The following TRIM25 variants were observed in gnomAD, a reference collection of about 807,000 sequenced individuals.
TRIM25 encodes the protein tripartite motif containing 25.
Under a neutral mutation model 65.2 loss-of-function variants are expected in TRIM25, and 45 were observed. That is an observed-to-expected ratio of 0.69 (90% CI 0.54 to 0.89). The LOEUF is 0.89. TRIM25 is among the 40% of genes least tolerant of loss of function. The pLI is 0.00. For missense variants in TRIM25, 714 were observed against 803.7 expected (o/e 0.89, Z 1.35); for synonymous variants, 321 against 340.4 (o/e 0.94, Z 0.63).
chr17:56,891,770 G>A lies in TRIM25; in HGVS notation c.1823C>T (p.Thr608Ile), dbSNP rs1473093677. 1 of 1,614,232 alleles carries A rather than the reference G, an allele frequency of 6.2e-7. No homozygotes were observed. Among genetic ancestry groups the A allele is most frequent in the Admixed American group, 1.7e-5 (1 of 60,024 alleles). Residue 608 changes from threonine to isoleucine, a missense_variant, in exon 9 of 9, where the codon ACT (threonine) becomes ATT (isoleucine). This residue lies in a region of TRIM25 where 413 missense variants were observed against 498.2 expected (regional missense o/e 0.83). Transcript: ENST00000316881. The part of the protein sequence containing the change: ...HLMYKFRVDF[T>I]EALYPAFWVF... The stretch of plus-strand genomic sequence containing the variant: ...CCAGAAAGCCGGGTACAAAGCCTCA[G>A]TAAAGTCCACCCTGAACTTATACAT...
intron 4 of TRIM25, 131 bp downstream of exon 4, chr17:56,901,288 T>C: frequency 2.0e-6 from 2 of 1,024,018 alleles, no homozygotes; most frequent in Non-Finnish European, 2.8e-6. Flanking sequence ...AGAGGGCGGA[T>C]GTTTCAGGAG....
chr17:56,906,749 C>A (rs558779099), intron 2 of TRIM25, among the ~76,000 whole-genome samples: 42 of 152,342 alleles, frequency 2.8e-4, no homozygotes, highest in African/African-American at 9.1e-4. Context: ...TGCGTCTCGG[C>A]CTCCCAAAGT....
intron 3 of TRIM25, among the ~76,000 whole-genome samples, chr17:56,903,636 A>G (rs1290294035): frequency 6.6e-6 from 1 of 152,054 alleles, no homozygotes; most frequent in African/African-American, 2.4e-5. Flanking sequence ...ATGAAATAGG[A>G]TATCACTCCT....
chr17:56,896,825 T>C (rs1280519918), intron 5 of TRIM25, among the ~76,000 whole-genome samples: 1 of 151,982 alleles, frequency 6.6e-6, no homozygotes, highest in Non-Finnish European at 1.5e-5. Flanking sequence ...AAATTATTGG[T>C]CAGGCACTGT....
chr17:56,911,142 G>A (rs1377792678), intron 1 of TRIM25, among the ~76,000 whole-genome samples: 2 of 152,118 alleles, frequency 1.3e-5, no homozygotes, highest in African/African-American at 4.8e-5. Flanking sequence ...GGTGGTGCGT[G>A]CTTGTAGTCC....
rs1302224687 is a variant in TRIM25, at chr17:56,889,896, T to C, written c.*1804A>G. 2.5e-6 allele frequency: 1 copy of C among 398,614 alleles called. No individual in the cohort carries two copies. The highest frequency in any genetic ancestry group is 2.1e-5 in the African/African-American group (1 of 48,642). 24.7% of individuals were successfully genotyped at this position (398,614 alleles called of 1,614,324 possible). On this transcript the variant is annotated 3_prime_UTR_variant, in exon 9 of 9. Coordinates refer to ENST00000316881, the MANE Select transcript of TRIM25 (RefSeq NM_005082.5). ...AGGAATAAAACTTCTAAGGACCACATATCACCTATTGCAGGGATGTCTTTC... is the reference window on the plus strand; with the variant it reads ...AGGAATAAAACTTCTAAGGACCACACATCACCTATTGCAGGGATGTCTTTC...
At chr17:56,892,362 C>T in intron 8 of TRIM25, 133 bp from the exon 9 acceptor site, 1 of 933,214 alleles carries the variant, frequency 1.1e-6, no homozygotes. Flanking sequence ...TCCATCCATC[C>T]ACTCATCTAT....
Position 56,913,496 on chromosome 17 carries a change from C to T in TRIM25, c.493G>A (p.Glu165Lys), listed in dbSNP as rs958989433. 1.2e-6 allele frequency: 2 copies of T among 1,613,598 alleles called. No homozygotes were observed. The highest frequency in any genetic ancestry group is 1.7e-6 in the Non-Finnish European group (2 of 1,179,742). Reference sequence around the variant, plus strand: ...TCGCTGTGCTCGGGGCAGAAAAATTCCCGCAGCCGATTGTGCTGGGAACAT... The same window carrying T: ...TCGCTGTGCTCGGGGCAGAAAAATTTCCGCAGCCGATTGTGCTGGGAACAT... ...RKCSQHNRLREFFCPEHSECI... is the reference protein window; with the variant it reads ...RKCSQHNRLRKFFCPEHSECI... The change falls in exon 1 of 9, where the codon GAA (glutamate) becomes AAA (lysine). Residue 165 changes from glutamate (E) to lysine (K), a missense_variant. Glu to Lys is a moderately conservative substitution (Grantham distance 56). Coordinates refer to ENST00000316881, the MANE Select transcript of TRIM25 (RefSeq NM_005082.5). The surrounding 1 kb of genome is among the most constrained non-coding windows in gnomAD (Gnocchi z 6.1).
chr17:56,907,180 A>G (rs1909537880), intron 2 of TRIM25, among the ~76,000 whole-genome samples: 1 of 152,228 alleles, frequency 6.6e-6, no homozygotes, highest in Non-Finnish European at 1.5e-5. Flanking sequence ...TTAATCCCTG[A>G]ATGATCACAT....
At chr17:56,907,694 G>A (rs894298187) in intron 2 of TRIM25, among the ~76,000 whole-genome samples, 9 of 152,136 alleles carry the variant, frequency 5.9e-5, no homozygotes, top group Non-Finnish European at 8.8e-5. Flanking sequence ...TCTCTGTAAT[G>A]GGTTGAATGC....
intron 3 of TRIM25, among the ~76,000 whole-genome samples, chr17:56,903,853 G>A (rs1396746177): frequency 6.6e-6 from 1 of 152,164 alleles, no homozygotes; most frequent in Non-Finnish European, 1.5e-5. Context: ...CAATCTGAGA[G>A]ACAGCCAGCA....
intron 2 of TRIM25, among the ~76,000 whole-genome samples, chr17:56,907,036 T>A (rs1909534796): frequency 6.6e-6 from 1 of 152,142 alleles, no homozygotes; most frequent in African/African-American, 2.4e-5. Flanking sequence ...TAAAGGAAAA[T>A]TGCTTGTTGT....
In TRIM25 at chr17:56,890,559, T is replaced by G; in HGVS notation, c.*1141A>C. 1 of 454,944 alleles carries G rather than the reference T, an allele frequency of 2.2e-6. No homozygotes were observed. The highest frequency in any genetic ancestry group is 1.6e-5 in the South Asian group (1 of 64,500). The allele number at this position is 454,944 out of a possible 1,614,324, so 28.2% of individuals were successfully genotyped here. ...CCATGAGGTTTGCTAAAAGACCCCTTTGGTGGTAGGTTGACACCCCAGCAA... is the reference window on the plus strand; with the variant it reads ...CCATGAGGTTTGCTAAAAGACCCCTGTGGTGGTAGGTTGACACCCCAGCAA... On this transcript the variant is annotated 3_prime_UTR_variant, in exon 9 of 9. Transcript: ENST00000316881.
intron 8 of TRIM25, among the ~76,000 whole-genome samples, chr17:56,892,491 A>G (rs1335541505): frequency 6.6e-6 from 1 of 151,946 alleles, no homozygotes; most frequent in East Asian, 1.9e-4. Context: ...CTATCTACCT[A>G]TCTATCCATT....
rs749005985 is a variant in TRIM25, at chr17:56,913,964, C to G, written c.25G>C (p.Glu9Gln). Residue 9 changes from glutamate (E) to glutamine (Q), a missense_variant, in exon 1 of 9, where the codon GAG (glutamate) becomes CAG (glutamine). Physicochemically the swap from Glu to Gln is conservative, Grantham distance 29 (BLOSUM62 2). Transcript: ENST00000316881. This position sits in a 1 kb window ranked among gnomAD's most constrained non-coding sequence, Gnocchi z 6.1. ...AGGCAGATGGAGCACGACAGCTCCT[C>G]GGCCAGGGGGCACAGCTCTGCCATG... The part of the protein sequence containing the change: MAELCPLA[E>Q]ELSCSICLEP... 1.3e-6 allele frequency: 2 copies of G among 1,578,758 alleles called. No individual in the cohort carries two copies. The highest frequency in any genetic ancestry group is 2.7e-5 in the African/African-American group (2 of 73,940).
In TRIM25 at chr17:56,913,702, G is replaced by T. The variant is rs759843788; in HGVS notation, c.287C>A (p.Ala96Asp). The part of the protein sequence containing the change: ...PADVWTPPAR[A>D]SAPSPNAQVA... ...CTGGGCATTCGGGCTGGGTGCAGAG[G>T]CGCGGGCGGGCGGCGTCCAGACGTC... is the stretch of plus-strand genomic sequence containing the variant. Residue 96 changes from alanine (A) to aspartate (D), a missense_variant, in exon 1 of 9, where the codon GCC becomes GAC. Ala to Asp is a moderately radical substitution (Grantham distance 126). Around this residue, in one of 3 missense-constraint regions of TRIM25, gnomAD observed 291 missense variants for 281.8 expected, o/e 1.03. Coordinates refer to ENST00000316881, the MANE Select transcript of TRIM25 (RefSeq NM_005082.5). The surrounding 1 kb of genome is among the most constrained non-coding windows in gnomAD (Gnocchi z 6.1). 1.9e-5 allele frequency: 30 copies of T among 1,575,040 alleles called. No homozygotes were observed. The African/African-American group carries it at 3.1e-4, about 16-fold the overall frequency.
chr17:56,889,894 C>T lies in TRIM25; in HGVS notation c.*1806G>A, dbSNP rs1909132660. 3 of 398,778 alleles carry T rather than the reference C, an allele frequency of 7.5e-6. No individual in the cohort carries two copies. Among genetic ancestry groups the T allele is most frequent in the Admixed American group, 4.4e-5 (1 of 22,762 alleles). The allele number at this position is 398,778 out of a possible 1,614,324, so 24.7% of individuals were successfully genotyped here. On this transcript the variant is annotated 3_prime_UTR_variant, in exon 9 of 9. Transcript: ENST00000316881. Reference sequence around the variant, plus strand: ...AAAGGAATAAAACTTCTAAGGACCACATATCACCTATTGCAGGGATGTCTT... The same window carrying T: ...AAAGGAATAAAACTTCTAAGGACCATATATCACCTATTGCAGGGATGTCTT...
rs1457636986 is a variant in TRIM25, at chr17:56,890,714, A to G, written c.*986T>C. The stretch of plus-strand genomic sequence containing the variant: ...CTGCACTGTCATTCCATATGTCACA[A>G]TCCAGGGAAGAGAGGCTATCACCGA... On this transcript the variant is annotated 3_prime_UTR_variant, in exon 9 of 9. Coordinates refer to ENST00000316881, the MANE Select transcript of TRIM25 (RefSeq NM_005082.5). 2 of 455,946 alleles carry G rather than the reference A, an allele frequency of 4.4e-6. No individual in the cohort carries two copies. Among genetic ancestry groups the G allele is most frequent in the South Asian group, 1.6e-5 (1 of 64,490 alleles). The allele number at this position is 455,946 out of a possible 1,614,324, so 28.2% of individuals were successfully genotyped here.
intron 3 of TRIM25, among the ~76,000 whole-genome samples, chr17:56,902,381 TG>T (rs1289518307): frequency 1.3e-5 from 2 of 152,080 alleles, no homozygotes; most frequent in Non-Finnish European, 2.9e-5. Context: ...GGAGGATGAA[TG>T]GGGGTAATAA....
Sources: gnomAD v4.1 joint callset for allele counts (sites outside exome capture counted in the v4.1 genomes callset) on GRCh38, gnomAD v4.1.1 for gene constraint, gnomAD v4.1.1 regional missense constraint, Gnocchi (gnomAD v3.1) non-coding constraint, MANE v1.5 for transcripts, NCBI Gene and HGNC (gene_info 2026-07-23, HGNC 2026-07-21) for gene names.